The following RTN3 variants were observed in gnomAD, a reference collection of about 807,000 sequenced individuals.
The protein encoded by RTN3 is reticulon 3.
A neutral mutation model predicts 77.8 loss-of-function variants in RTN3; 49 were observed. That is an observed-to-expected ratio of 0.63 (90% CI 0.50 to 0.80). The LOEUF (loss-of-function observed/expected upper bound fraction) is 0.80. RTN3 is among the 30% of genes least tolerant of loss of function. The pLI, the probability that RTN3 is intolerant of heterozygous loss-of-function variation, is 0.00. For missense variants in RTN3, 1,236 were observed against 1,211.9 expected, an observed-to-expected ratio of 1.02 and a Z score of -0.29; for synonymous variants, 464 against 446.9, an observed-to-expected ratio of 1.04 and a Z score of -0.48.
At chr11:63,703,369 T>C (rs562130456) in intron 1 of RTN3, among the ~76,000 whole-genome samples, 98 of 152,174 alleles carry the variant, frequency 6.4e-4, no homozygotes, top group Non-Finnish European at 1.2e-3. Context: ...TGGCAGCAAG[T>C]GTTTCATAGT....
At chr11:63,717,375 CTTTTTTTTTTT>C (rs1187530525) in intron 2 of RTN3, among the ~76,000 whole-genome samples, 7 of 75,166 alleles carry the variant, frequency 9.3e-5, no homozygotes, top group South Asian at 5.5e-4. Flanking sequence ...TTAACTCTGT[CTTTTTTTTTTT>C]TTTTTTTTTT....
intron 3 of RTN3, among the ~76,000 whole-genome samples, chr11:63,728,849 T>G (rs1300612101): frequency 2.1e-5 from 3 of 142,438 alleles, no homozygotes; most frequent in East Asian, 2.0e-4. Context: ...ATTGCGCCAC[T>G]GCACTCCAGC....
In RTN3 at chr11:63,714,323, C is replaced by T. The variant is rs183175866; in HGVS notation, c.200-4379C>T. ...GATTAGCGCCTGCATCTCACAATCA[C>T]TGAGAAATGAATGCAGCACTGAGCT... On this transcript the variant is annotated intron_variant, in intron 2 of 8. Transcript: ENST00000377819. The T allele has an allele frequency of 1.3e-3, 410 of 319,346 alleles. 4 individuals carry two copies. The highest frequency in any genetic ancestry group is 8.4e-3 in the African/African-American group (386 of 45,806). The allele number at this position is 319,346 out of a possible 1,614,324, so 19.8% of individuals were successfully genotyped here.
intron 1 of RTN3, among the ~76,000 whole-genome samples, chr11:63,702,970 C>G (rs576940908): frequency 3.3e-5 from 5 of 152,264 alleles, no homozygotes; most frequent in African/African-American, 1.2e-4. Flanking sequence ...CAGGTGTGAG[C>G]CACTGCGCCT....
chr11:63,714,022 AAG>A (rs2011250441), intron 2 of RTN3: 3 of 518,644 alleles, frequency 5.8e-6, no homozygotes, highest in Non-Finnish European at 1.2e-5. Context: ...GACCAATTGG[AAG>A]AGTCTTTGCT....
chr11:63,687,236 T>TA (rs544978234), intron 1 of RTN3, among the ~76,000 whole-genome samples: 2 of 152,298 alleles, frequency 1.3e-5, no homozygotes, highest in African/African-American at 4.8e-5. Flanking sequence ...TCTTAATAAT[T>TA]ATGTGATCTT....
chr11:63,744,945 T>G (rs1294206572), intron 3 of RTN3, among the ~76,000 whole-genome samples: 1 of 152,200 alleles, frequency 6.6e-6, no homozygotes. Context: ...TGGGTCAAGA[T>G]TGTGCCACTG....
chr11:63,694,755 A>G (rs1285578481), intron 1 of RTN3, among the ~76,000 whole-genome samples: 1 of 152,006 alleles, frequency 6.6e-6, no homozygotes, highest in Non-Finnish European at 1.5e-5. Flanking sequence ...AGCGCGCCCA[A>G]CCTTTAACCA....
At chr11:63,721,852 A>G (rs930556608) in intron 3 of RTN3, among the ~76,000 whole-genome samples, 2 of 152,286 alleles carry the variant, frequency 1.3e-5, no homozygotes, top group African/African-American at 2.4e-5. Context: ...GTGATCGTAT[A>G]CTATAGAGAT....
chr11:63,758,550 T>A lies in RTN3; in HGVS notation c.*349T>A, dbSNP rs2014505018. On this transcript the variant is annotated 3_prime_UTR_variant, in exon 9 of 9. Coordinates refer to ENST00000377819, the MANE Select transcript of RTN3 (RefSeq NM_001265589.2). ...CACCTCTGGGTCCTTCTGTCCAGTT[T>A]TCAGCACTAGTCTTACTCAGCTATC... 1 of 523,708 alleles carries A rather than the reference T, an allele frequency of 1.9e-6. No homozygotes were observed. The highest frequency in any genetic ancestry group is 3.7e-5 in the Admixed American group (1 of 27,072). The allele number at this position is 523,708 out of a possible 1,614,324, so 32.4% of individuals were successfully genotyped here. A position where few individuals can be genotyped will look rare whatever the true frequency, so the allele number is the denominator to read the frequency against.
At chr11:63,714,302 A>G (rs2011265708) in intron 2 of RTN3, 2 of 334,008 alleles carry the variant, frequency 6.0e-6, no homozygotes, top group Non-Finnish European at 5.9e-6. Flanking sequence ...AGTAATGATT[A>G]GCGCCTGCAT....
chr11:63,731,083 T>A (rs114653012), intron 3 of RTN3, among the ~76,000 whole-genome samples: 1,924 of 152,128 alleles, frequency 0.013, 39 homozygotes, highest in African/African-American at 0.041. Flanking sequence ...GGATTTTTTT[T>A]TTTATTTATT....
intron 7 of RTN3, 83 bp from the exon 8 acceptor site, chr11:63,756,029 T>C: frequency 1.1e-6 from 1 of 951,168 alleles, no homozygotes; most frequent in Non-Finnish European, 1.7e-6. Flanking sequence ...AAAAAATGGT[T>C]AAACTAGACA....
chr11:63,736,085 T>A (rs535604174), intron 3 of RTN3, among the ~76,000 whole-genome samples: 6 of 152,034 alleles, frequency 3.9e-5, no homozygotes, highest in Admixed American at 6.6e-5. Flanking sequence ...CTCACTGGGG[T>A]TGTGATACCA....
At chr11:63,728,886 CAAAAAAAAAAAAAAAA>C (rs1425326153) in intron 3 of RTN3, among the ~76,000 whole-genome samples, 5 of 78,680 alleles carry the variant, frequency 6.4e-5, no homozygotes, top group Non-Finnish European at 1.0e-4. Context: ...GACTCCGTCT[CAAAAAAAAAAAAAAAA>C]GAAAAAAGAA....
At chr11:63,741,042 C>T (rs1282735165) in intron 3 of RTN3, among the ~76,000 whole-genome samples, 1 of 152,026 alleles carries the variant, frequency 6.6e-6, no homozygotes, top group Non-Finnish European at 1.5e-5. Flanking sequence ...GAAGAGGATA[C>T]AAACTCAGGC....
intron 3 of RTN3, among the ~76,000 whole-genome samples, chr11:63,735,342 C>T (rs1398998880): frequency 6.6e-6 from 1 of 152,018 alleles, no homozygotes; most frequent in African/African-American, 2.4e-5. Context: ...GCACCAAAAG[C>T]ATAAAATACT....
chr11:63,700,442 AT>A (rs34221757), intron 1 of RTN3, among the ~76,000 whole-genome samples: 262 of 141,024 alleles, frequency 1.9e-3, no homozygotes, highest in Non-Finnish European at 2.3e-3. Flanking sequence ...CACCCAGCTA[AT>A]TTTTTTTTTT....
chr11:63,742,312 A>G lies in RTN3; in HGVS notation c.2531-7679A>G, dbSNP rs184277606. Among the ~76,000 whole-genome samples the G allele has an allele frequency of 5.7e-3, 862 of 150,866 alleles. 5 individuals are homozygous for G. The highest frequency in any genetic ancestry group is 0.02 in the African/African-American group (822 of 41,206). On this transcript the variant is annotated intron_variant, in intron 3 of 8. Transcript: ENST00000377819. ...CTAGGTTCTTTACATTTGAATTTGCATAGGAATTTTAGATTAGCTTGTCCA... is the reference window on the plus strand; with the variant it reads ...CTAGGTTCTTTACATTTGAATTTGCGTAGGAATTTTAGATTAGCTTGTCCA...
Sources: gnomAD v4.1 joint callset for allele counts (sites outside exome capture counted in the v4.1 genomes callset) on GRCh38, gnomAD v4.1.1 for gene constraint, MANE v1.5 for transcripts, NCBI Gene and HGNC (gene_info 2026-07-23, HGNC 2026-07-21) for gene names.